The following EPB41L3 variants were observed in gnomAD, a reference collection of about 807,000 sequenced individuals.
EPB41L3 encodes the protein erythrocyte membrane protein band 4.1 like 3, also known as band 4.1-like protein 3.
Under a neutral mutation model 127.1 loss-of-function variants are expected in EPB41L3, and 57 were observed. That is an observed-to-expected ratio of 0.45 (90% CI 0.36 to 0.56). The LOEUF is 0.56. Among genes scored for constraint, EPB41L3 ranks in the 20% least tolerant of loss-of-function variants. The pLI, the probability that EPB41L3 is intolerant of heterozygous loss-of-function variation, is 0.00. For synonymous variants in EPB41L3, 572 were observed against 549.5 expected, an observed-to-expected ratio of 1.04 and a Z score of -0.57; for missense variants, 1,273 against 1,372.2, an observed-to-expected ratio of 0.93 and a Z score of 1.14.
intron 3 of EPB41L3, among the ~76,000 whole-genome samples, chr18:5,564,377 G>A (rs954425188): frequency 6.6e-6 from 1 of 152,162 alleles, no homozygotes; most frequent in Non-Finnish European, 1.5e-5. Flanking sequence ...AAATAGGAAA[G>A]GGAAGGAGAA....
chr18:5,625,318 G>A (rs1460054809), intron 1 of EPB41L3, among the ~76,000 whole-genome samples: 1 of 151,906 alleles, frequency 6.6e-6, no homozygotes, highest in Non-Finnish European at 1.5e-5. Context: ...CAGGACTGGT[G>A]GGGATCTGAT....
chr18:5,400,467 A>G, intron 16 of EPB41L3: 1 of 455,268 alleles, frequency 2.2e-6, no homozygotes, highest in Non-Finnish European at 4.4e-6. Context: ...TGTTGTTGCT[A>G]GATTAAATGA....
At chr18:5,491,615 T>C (rs1169704327) in intron 1 of EPB41L3, among the ~76,000 whole-genome samples, 1 of 152,216 alleles carries the variant, frequency 6.6e-6, no homozygotes, top group African/African-American at 2.4e-5. Flanking sequence ...ACCTTACCTG[T>C]TGTATATCAC....
chr18:5,579,863 G>C (rs1382767497), intron 3 of EPB41L3, among the ~76,000 whole-genome samples: 1 of 152,200 alleles, frequency 6.6e-6, no homozygotes, highest in Non-Finnish European at 1.5e-5. Flanking sequence ...AATTACCTTA[G>C]GATGTGAGGA....
At chr18:5,568,757 A>C (rs1568586956) in intron 3 of EPB41L3, among the ~76,000 whole-genome samples, 1 of 152,214 alleles carries the variant, frequency 6.6e-6, no homozygotes, top group Non-Finnish European at 1.5e-5. Flanking sequence ...CCATAGTTTC[A>C]GACCCCTAAC....
At chr18:5,460,323 T>C in intron 3 of EPB41L3, among the ~76,000 whole-genome samples, 1 of 152,080 alleles carries the variant, frequency 6.6e-6, no homozygotes. Flanking sequence ...TGCAGGCACA[T>C]CCCATCTTCT....
chr18:5,476,614 C>CATG (rs1481578181), intron 3 of EPB41L3, among the ~76,000 whole-genome samples: 1 of 152,146 alleles, frequency 6.6e-6, no homozygotes, highest in Non-Finnish European at 1.5e-5. Flanking sequence ...CCTATTTATT[C>CATG]CATTACATAA....
chr18:5,443,910 A>G (rs1224656363), intron 4 of EPB41L3, 30 bp from the exon 5 acceptor site: 16 of 1,581,920 alleles, frequency 1.0e-5, no homozygotes, highest in Non-Finnish European at 1.0e-5. Context: ...TTGAATTTGA[A>G]TCAGAGGAGA....
chr18:5,470,500 C>T (rs1319360720), intron 3 of EPB41L3, among the ~76,000 whole-genome samples: 1 of 152,130 alleles, frequency 6.6e-6, no homozygotes, highest in African/African-American at 2.4e-5. Flanking sequence ...AAAGGATTCA[C>T]TCTTGTTAAA....
At chr18:5,437,881 T>G (rs2080094626) in intron 6 of EPB41L3, among the ~76,000 whole-genome samples, 154 bp downstream of exon 6, 1 of 152,186 alleles carries the variant, frequency 6.6e-6, no homozygotes. Flanking sequence ...GCAAATCTCA[T>G]CAGATGTTTG....
At chr18:5,427,780 C>T (rs2078409028) in intron 9 of EPB41L3, among the ~76,000 whole-genome samples, 1 of 151,870 alleles carries the variant, frequency 6.6e-6, no homozygotes, top group African/African-American at 2.4e-5. Context: ...GAGTCTCGCT[C>T]TGTTGCTCAG....
intron 2 of EPB41L3, among the ~76,000 whole-genome samples, chr18:5,483,485 C>T (rs1277609614): frequency 1.3e-5 from 2 of 152,000 alleles, no homozygotes. Flanking sequence ...AAGTCCTTAT[C>T]AATAACACTG....
intron 3 of EPB41L3, among the ~76,000 whole-genome samples, chr18:5,565,685 T>A (rs2094190099): frequency 6.9e-6 from 1 of 144,636 alleles, no homozygotes; most frequent in African/African-American, 2.6e-5. Flanking sequence ...GTTCTCATTG[T>A]TCAATTCCCA....
chr18:5,559,322 ACTTTTT>A (rs1461381685), intron 3 of EPB41L3, among the ~76,000 whole-genome samples: 4 of 152,212 alleles, frequency 2.6e-5, no homozygotes, highest in Non-Finnish European at 5.9e-5. Context: ...TGGAACACAG[ACTTTTT>A]GCAAAGGCAA....
At chr18:5,398,480 GC>G (rs946227255) in intron 16 of EPB41L3, 19 of 423,032 alleles carry the variant, frequency 4.5e-5, no homozygotes, top group Admixed American at 4.5e-4. Context: ...TGCTGACTTT[GC>G]ACTGCGGTAT....
chr18:5,509,755 A>G (rs1364278435), intron 1 of EPB41L3, among the ~76,000 whole-genome samples: 3 of 152,228 alleles, frequency 2.0e-5, no homozygotes, highest in Admixed American at 1.3e-4. Flanking sequence ...TGAATCTATC[A>G]TTCAGTAGTA....
At chr18:5,527,052 T>C (rs1014548135) in intron 1 of EPB41L3, among the ~76,000 whole-genome samples, 1 of 150,294 alleles carries the variant, frequency 6.7e-6, no homozygotes, top group Non-Finnish European at 1.5e-5. Context: ...TGTGCTAAAA[T>C]TGAAAGGGAA....
At chr18:5,430,210 C>T (rs1197759130) in intron 8 of EPB41L3, among the ~76,000 whole-genome samples, 1 of 152,178 alleles carries the variant, frequency 6.6e-6, no homozygotes, top group Non-Finnish European at 1.5e-5. Context: ...CCAAAACACA[C>T]CTCTCTGTGT....
At position 5,530,642 on chromosome 18, in the gene EPB41L3, C is replaced by T. The variant is rs772117420; in HGVS notation, c.-12+13271G>A. On this transcript the variant is annotated intron_variant, in intron 1 of 22. Coordinates refer to ENST00000341928, the MANE Select transcript of EPB41L3 (RefSeq NM_012307.5). ...TCTGTACACGCTGGTCAGTCACCTCCGACACCCTCCTGTCCAGCCGACTCC... is the reference window on the plus strand; with the variant it reads ...TCTGTACACGCTGGTCAGTCACCTCTGACACCCTCCTGTCCAGCCGACTCC... Among the ~76,000 whole-genome samples, 11 of 152,220 alleles carry T rather than the reference C, an allele frequency of 7.2e-5. No individual in the cohort carries two copies. The East Asian group carries it at 9.7e-4, about 13-fold the overall frequency.
Sources: gnomAD v4.1 joint callset for allele counts (sites outside exome capture counted in the v4.1 genomes callset) on GRCh38, gnomAD v4.1.1 for gene constraint, MANE v1.5 for transcripts, NCBI Gene and HGNC (gene_info 2026-07-23, HGNC 2026-07-21) for gene names.